The following UBTD2 variants were observed in gnomAD, a reference collection of about 807,000 sequenced individuals.
UBTD2 encodes the protein ubiquitin domain-containing protein 2.
UBTD2 carries 9 observed loss-of-function variants against 19.8 expected under a neutral mutation model. The ratio of observed to expected loss-of-function variants is 0.46; its 90% CI spans 0.27 to 0.79. The LOEUF (loss-of-function observed/expected upper bound fraction) is 0.79, where lower values mean the gene tolerates loss of function less well. Among genes scored for constraint, UBTD2 ranks in the 30% least tolerant of loss-of-function variants. The pLI, the probability that UBTD2 is intolerant of heterozygous loss-of-function variation, is 0.14. For missense variants in UBTD2, 250 were observed against 300.4 expected, an observed-to-expected ratio of 0.83 and a Z score of 1.24; for synonymous variants, 98 against 103.9, an observed-to-expected ratio of 0.94 and a Z score of 0.35.
Position 172,283,570 on chromosome 5 carries a change from G to A in UBTD2, c.70+26C>T, listed in dbSNP as rs1581239209. 2 of 1,290,918 alleles carry A rather than the reference G, an allele frequency of 1.5e-6. No homozygotes were observed. Among genetic ancestry groups the A allele is most frequent in the Non-Finnish European group, 2.0e-6 (2 of 1,013,392 alleles). 80.0% of individuals were successfully genotyped at this position (1,290,918 alleles called of 1,614,324 possible). A position where few individuals can be genotyped will look rare whatever the true frequency, so the allele number is the denominator to read the frequency against. ...GCCTGGCCGGGAACAATGGGGGGCC[G>A]AGGCTGCCCCCTGGCGCTCACCTAC... On this transcript the variant is annotated intron_variant, in intron 1 of 2. Transcript: ENST00000393792. This position sits in a 1 kb window ranked among gnomAD's most constrained non-coding sequence, Gnocchi z 4.3.
intron 1 of UBTD2, among the ~76,000 whole-genome samples, chr5:172,250,038 C>A (rs1027493705): frequency 1.3e-5 from 2 of 152,200 alleles, no homozygotes; most frequent in African/African-American, 2.4e-5. Context: ...GCCTGGCAAA[C>A]GTGGTGAAAC....
intron 1 of UBTD2, among the ~76,000 whole-genome samples, chr5:172,259,573 T>G (rs1303426792): frequency 6.6e-6 from 1 of 152,176 alleles, no homozygotes; most frequent in Non-Finnish European, 1.5e-5. Context: ...ATATGTTGTA[T>G]GTGTATATGT....
In UBTD2 at chr5:172,264,164, G is replaced by A. The variant is rs150022181; in HGVS notation, c.70+19432C>T. 5.5e-3 allele frequency among the ~76,000 whole-genome samples: 833 copies of A among 151,954 alleles called. 10 individuals are homozygous for A. Among genetic ancestry groups the A allele is most frequent in the African/African-American group, 0.018 (760 of 41,404 alleles). On this transcript the variant is annotated intron_variant, in intron 1 of 2. Coordinates refer to ENST00000393792, the MANE Select transcript of UBTD2 (RefSeq NM_152277.3). ...CTCAATTACAGCTCACTGCAGCCTC[G>A]ACAAGTATTCTAAAAATCAGTACCA...
chr5:172,260,017 C>A (rs1755233590), intron 1 of UBTD2, among the ~76,000 whole-genome samples: 1 of 152,118 alleles, frequency 6.6e-6, no homozygotes, highest in Non-Finnish European at 1.5e-5. Flanking sequence ...CGTGCCACTG[C>A]ACTCCAGCCT....
At chr5:172,273,590 CAAAAAAAAAAA>C (rs35687001) in intron 1 of UBTD2, among the ~76,000 whole-genome samples, 61 of 36,424 alleles carry the variant, frequency 1.7e-3, no homozygotes, top group African/African-American at 6.0e-3. Context: ...GACTCCGTCT[CAAAAAAAAAAA>C]AAAAAAAAAA....
chr5:172,218,231 A>T (rs949942213), intron 2 of UBTD2, among the ~76,000 whole-genome samples: 7 of 152,224 alleles, frequency 4.6e-5, no homozygotes, highest in African/African-American at 1.7e-4. Flanking sequence ...TCTAAATAAC[A>T]CATGGGGTCA....
At chr5:172,236,825 C>T (rs970889421) in intron 1 of UBTD2, among the ~76,000 whole-genome samples, 5 of 152,078 alleles carry the variant, frequency 3.3e-5, no homozygotes, top group African/African-American at 1.2e-4. Flanking sequence ...AACAACAAAA[C>T]CTCTACAGAA....
intron 1 of UBTD2, among the ~76,000 whole-genome samples, chr5:172,253,848 G>T (rs2113074631): frequency 6.6e-6 from 1 of 152,164 alleles, no homozygotes; most frequent in South Asian, 2.1e-4. Context: ...GATTATGTTA[G>T]TTTACATGTT....
intron 2 of UBTD2, among the ~76,000 whole-genome samples, chr5:172,212,681 T>C (rs973718653): frequency 9.2e-5 from 14 of 152,336 alleles, no homozygotes; most frequent in Middle Eastern, 3.4e-3. Context: ...TTTCTTTTTA[T>C]TGAGATGGAG....
At chr5:172,261,603 T>C (rs1271437277) in intron 1 of UBTD2, among the ~76,000 whole-genome samples, 1 of 151,882 alleles carries the variant, frequency 6.6e-6, no homozygotes, top group Non-Finnish European at 1.5e-5. Context: ...CTGTGTTTAC[T>C]GTCATGAAGG....
intron 2 of UBTD2, among the ~76,000 whole-genome samples, chr5:172,233,537 A>G (rs1318790823): frequency 2.6e-5 from 4 of 152,172 alleles, no homozygotes; most frequent in Non-Finnish European, 5.9e-5. Flanking sequence ...AAAGAGTCAC[A>G]TTCCTACGCA....
chr5:172,219,744 C>A (rs1390660195), intron 2 of UBTD2, among the ~76,000 whole-genome samples: 1 of 152,086 alleles, frequency 6.6e-6, no homozygotes, highest in Non-Finnish European at 1.5e-5. Context: ...GGAAAAAAAA[C>A]TCATGCTAGT....
intron 1 of UBTD2, among the ~76,000 whole-genome samples, chr5:172,261,687 C>T (rs897426003): frequency 1.3e-4 from 20 of 151,962 alleles, no homozygotes; most frequent in African/African-American, 4.8e-4. Flanking sequence ...TGTAGTGGCA[C>T]GATCTCGGCT....
At chr5:172,269,850 G>A (rs566187992) in intron 1 of UBTD2, among the ~76,000 whole-genome samples, 2 of 151,730 alleles carry the variant, frequency 1.3e-5, no homozygotes, top group East Asian at 4.0e-4. Flanking sequence ...GGCCGAGGCA[G>A]GCAGTTCATG....
chr5:172,212,606 T>TA (rs548662869), intron 2 of UBTD2, among the ~76,000 whole-genome samples: 13 of 152,198 alleles, frequency 8.5e-5, no homozygotes, highest in South Asian at 2.1e-4. Flanking sequence ...GCAAGCAAAT[T>TA]AAAAAAAATT....
intron 1 of UBTD2, among the ~76,000 whole-genome samples, chr5:172,256,969 T>G (rs1441719439): frequency 2.0e-5 from 3 of 152,182 alleles, no homozygotes; most frequent in African/African-American, 7.2e-5. Flanking sequence ...TCTTCCTTCT[T>G]GATGAATTCT....
chr5:172,255,381 C>A, intron 1 of UBTD2: 2 of 488,704 alleles, frequency 4.1e-6, no homozygotes, highest in Admixed American at 2.4e-5. Context: ...AGTATGACAC[C>A]GAGACAGGGT....
At chr5:172,275,106 G>A (rs1483416001) in intron 1 of UBTD2, among the ~76,000 whole-genome samples, 1 of 152,174 alleles carries the variant, frequency 6.6e-6, no homozygotes, top group Admixed American at 6.5e-5. Context: ...CAGTTCCGCA[G>A]GGCTGGGGAG....
chr5:172,256,808 C>G (rs1328669305), intron 1 of UBTD2, among the ~76,000 whole-genome samples: 1 of 152,022 alleles, frequency 6.6e-6, no homozygotes, highest in Non-Finnish European at 1.5e-5. Flanking sequence ...ATAATCCCAG[C>G]TACTTGGGAG....
Sources: allele counts gnomAD v4.1 joint callset (sites outside exome capture counted in the v4.1 genomes callset), GRCh38; gene constraint gnomAD v4.1.1; non-coding constraint Gnocchi (gnomAD v3.1); transcripts MANE v1.5; gene names NCBI Gene and HGNC (gene_info 2026-07-23, HGNC 2026-07-21).